HAP1: variants seen among roughly 807,000 people sequenced by gnomAD.
HAP1 encodes the protein huntingtin-associated protein 1.
HAP1 carries 59 observed loss-of-function variants against 60.3 expected under a neutral mutation model. The observed-to-expected ratio is 0.98, with a 90% confidence interval of 0.79 to 1.22. The LOEUF is 1.22. Among genes scored for constraint, HAP1 ranks in the 50% most tolerant of loss-of-function variants. HAP1 has a pLI of 0.00. For missense variants in HAP1, 825 were observed against 785.3 expected, an observed-to-expected ratio of 1.05 and a Z score of -0.60; for synonymous variants, 346 against 330.6, an observed-to-expected ratio of 1.05 and a Z score of -0.50.
downstream of HAP1, chr17:41,717,934 T>C: frequency 4.3e-6 from 2 of 460,524 alleles, no homozygotes; most frequent in South Asian, 1.6e-5. Context: ...TTCTTGTGCC[T>C]GTTGACACCA....
intron 1 of HAP1, among the ~76,000 whole-genome samples, chr17:41,733,635 C>A (rs1441790609): frequency 6.6e-6 from 1 of 151,988 alleles, no homozygotes; most frequent in Non-Finnish European, 1.5e-5. Context: ...GACACTCGAG[C>A]CTCTAGGCCC....
At chr17:41,727,945 T>A (rs1911811264) in intron 7 of HAP1, 109 bp from the exon 8 acceptor site, 5 of 753,116 alleles carry the variant, frequency 6.6e-6, no homozygotes, top group Non-Finnish European at 1.1e-5. Flanking sequence ...TGGCAGCCCA[T>A]GAAATGACAA....
At chr17:41,732,176 T>C (rs1210503542) in intron 3 of HAP1, 54 bp downstream of exon 3, 1 of 1,610,510 alleles carries the variant, frequency 6.2e-7, no homozygotes, top group African/African-American at 1.3e-5. Flanking sequence ...GAGAGGGTCC[T>C]GGCATGAGGC....
In HAP1 at chr17:41,732,785, GT is replaced by G; in HGVS notation, c.482del (p.Asn161ThrfsTer16). Reference sequence around the variant, plus strand: ...TGATCTTTTTGACTGGCGGAGGTAGGTTAGGACACAGTGCTGCAGGAGGCGG... The same window carrying G: ...TGATCTTTTTGACTGGCGGAGGTAGGTAGGACACAGTGCTGCAGGAGGCGG... The part of the protein sequence containing the change: ...IRELEEALCP[N>X]LPPPVKKITQ... On this transcript the variant is annotated frameshift_variant, in exon 2 of 11. Coordinates refer to ENST00000347901, the MANE Select transcript of HAP1 (RefSeq NM_177977.3). LOFTEE classifies it high-confidence loss of function. 1 of 1,610,456 alleles carries G rather than the reference GT, an allele frequency of 6.2e-7. No individual in the cohort carries two copies. The highest frequency in any genetic ancestry group is 8.5e-7 in the Non-Finnish European group (1 of 1,176,698).
At chr17:41,720,618 CA>C, downstream of HAP1, among the ~76,000 whole-genome samples, 1 of 151,954 alleles carries the variant, frequency 6.6e-6, no homozygotes, top group Non-Finnish European at 1.5e-5. Context: ...GCCTTCAGCT[CA>C]AAATAGTCCT....
intron 7 of HAP1, 82 bp from the exon 8 acceptor site, chr17:41,727,918 G>T: frequency 1.2e-6 from 1 of 861,010 alleles, no homozygotes; most frequent in Non-Finnish European, 1.9e-6. Flanking sequence ...GTCTTCCCAG[G>T]CACATCAGTG....
chr17:41,726,024 C>T (rs1255890095), intron 9 of HAP1, 127 bp from the exon 10 acceptor site: 2 of 723,108 alleles, frequency 2.8e-6, no homozygotes, highest in African/African-American at 1.8e-5. Context: ...AATCCCAGCA[C>T]TTTGGGAGGC....
At position 41,723,757 on chromosome 17, in the gene HAP1, G is replaced by C. The variant is rs118005412; in HGVS notation, c.*944C>G. ...TGCTGAAGCCAGTGCTATTCCACCC[G>C]GCAGTGACCAAAGGGCCATGAGAAT... On this transcript the variant is annotated 3_prime_UTR_variant, in exon 11 of 11. Coordinates refer to ENST00000347901, the MANE Select transcript of HAP1 (RefSeq NM_177977.3). 6.6e-6 allele frequency: 1 copy of C among 152,450 alleles called. No homozygotes were observed. The highest frequency in any genetic ancestry group is 2.4e-5 in the African/African-American group (1 of 41,456). 9.4% of individuals were successfully genotyped at this position (152,450 alleles called of 1,614,324 possible).
chr17:41,727,314 G>C (rs1555589147), intron 8 of HAP1, 170 bp from the exon 9 acceptor site: 2 of 780,910 alleles, frequency 2.6e-6, no homozygotes, highest in Admixed American at 3.4e-5. Flanking sequence ...CACGCTGTAT[G>C]GGTAATGGGT....
At chr17:41,729,130 G>A (rs548669206) in intron 6 of HAP1, among the ~76,000 whole-genome samples, 76 of 151,180 alleles carry the variant, frequency 5.0e-4, no homozygotes, top group East Asian at 1.4e-3. Flanking sequence ...TAGTAGAGAC[G>A]GGGTTTCACC....
In HAP1 at chr17:41,727,678, T is replaced by G. The variant is rs1911774739; in HGVS notation, c.1275+84A>C. The G allele has an allele frequency of 4.3e-5, 36 of 829,446 alleles. No homozygotes were observed. The South Asian group carries it at 5.2e-4, about 12-fold the overall frequency. The allele number at this position is 829,446 out of a possible 1,614,324, so 51.4% of individuals were successfully genotyped here. On this transcript the variant is annotated intron_variant, in intron 8 of 10. Transcript: ENST00000347901. ...CAGTTCCTGCTAGTCCTCTCCAGAG[T>G]CAGGTAGCTGCCAAGGGCCTGGGGT...
In HAP1 at chr17:41,727,814, A is replaced by C. The variant is rs782465342; in HGVS notation, c.1223T>G (p.Leu408Trp). The change falls in exon 8 of 11, where the codon TTG (leucine) becomes TGG (tryptophan). Residue 408 changes from leucine (L) to tryptophan (W), a missense_variant. By Grantham distance (61) the Leu-to-Trp change is moderately conservative. Transcript: ENST00000347901. ...CRMYGAETEKLQKQLASEKEI... is the reference protein window; with the variant it reads ...CRMYGAETEKWQKQLASEKEI... ...CTTCTCCGAAGCCAGCTGCTTCTGC[A>C]ACTTTTCAGTCTCAGCCCCATACTG... The C allele has an allele frequency of 1.1e-5, 17 of 1,609,270 alleles. No homozygotes were observed. The highest frequency in any genetic ancestry group is 1.4e-5 in the Non-Finnish European group (17 of 1,176,232).
In HAP1 at chr17:41,732,748, C is replaced by T. The variant is rs782607030; in HGVS notation, c.520G>A (p.Val174Ile). The T allele has an allele frequency of 6.2e-6, 10 of 1,613,096 alleles. No homozygotes were observed. Among genetic ancestry groups the T allele is most frequent in the South Asian group, 3.3e-5 (3 of 91,076 alleles). Residue 174 changes from valine (V) to isoleucine (I), a missense_variant, in exon 2 of 11, where the codon GTC becomes ATC. Coordinates refer to ENST00000347901, the MANE Select transcript of HAP1 (RefSeq NM_177977.3). ...TCCAGCAAATATAACATCACTTTGA[C>T]GTCTTCCTGGGTGATCTTTTTGACT... ...PPVKKITQED[V>I]KVMLYLLEEL... is the part of the protein sequence containing the mutation.
rs987533046 is a variant in HAP1 at position 41,723,297 on chromosome 17, T to G, written c.*1404A>C. On this transcript the variant is annotated 3_prime_UTR_variant, in exon 11 of 11. Coordinates refer to ENST00000347901, the MANE Select transcript of HAP1 (RefSeq NM_177977.3). ...TTCCTACCGCCTGTCCCTGAAGACG[T>G]TGGAAAAGCCTCCAACATGTGGGAA... is the stretch of plus-strand genomic sequence containing the variant. 1 of 151,648 alleles carries G rather than the reference T, an allele frequency of 6.6e-6. No homozygotes were observed. The highest frequency in any genetic ancestry group is 1.5e-5 in the Non-Finnish European group (1 of 67,780). The allele number at this position is 151,648 out of a possible 1,614,324, so 9.4% of individuals were successfully genotyped here. A position where few individuals can be genotyped will look rare whatever the true frequency, so the allele number is the denominator to read the frequency against.
In HAP1 at chr17:41,731,641, T is replaced by TTCTCTCAGC; in HGVS notation, c.990_998dup (p.Leu331_Glu333dup). ...CGCCCTCCTCCCCCATTCTCACCTC[T>TTCTCTCAGC]TCTCTCAGCTGATGATTCTCCTCCT... On this transcript the variant is annotated inframe_insertion, in exon 5 of 11. Transcript: ENST00000347901. The TTCTCTCAGC allele has an allele frequency of 6.2e-7, 1 of 1,613,152 alleles. No individual in the cohort carries two copies. The highest frequency in any genetic ancestry group is 8.5e-7 in the Non-Finnish European group (1 of 1,179,104).
intron 9 of HAP1, 137 bp from the exon 10 acceptor site, chr17:41,726,034 C>T (rs1911600780): frequency 1.9e-5 from 13 of 682,696 alleles, no homozygotes; most frequent in South Asian, 1.8e-4. Context: ...CTTTGGGAGG[C>T]CGAGGTGGGC....
Position 41,724,726 on chromosome 17 carries a change from G to A in HAP1, c.1835C>T (p.Thr612Ile). The A allele has an allele frequency of 1.3e-6, 2 of 1,594,876 alleles. No homozygotes were observed. The highest frequency in any genetic ancestry group is 1.7e-6 in the Non-Finnish European group (2 of 1,165,486). ...PHGALPAASRTSCRSSCR is the reference protein window; with the variant it reads ...PHGALPAASRISCRSSCR ...TCATCGGCACGACGATCTGCAGCTTGTCCGGCTGGCGGCAGGGAGGGCCCC... is the reference window on the plus strand; with the variant it reads ...TCATCGGCACGACGATCTGCAGCTTATCCGGCTGGCGGCAGGGAGGGCCCC... Residue 612 changes from threonine to isoleucine, a missense_variant, in exon 11 of 11, where the codon ACA becomes ATA. Transcript: ENST00000347901.
rs1912025171 is a variant in HAP1 at position 41,730,031 on chromosome 17, A to AGAG, written c.1069+1461_1069+1462insCTC. 9.3e-5 allele frequency: 2 copies of AGAG among 21,436 alleles called. 1 individual carries two copies. Among genetic ancestry groups the AGAG allele is most frequent in the African/African-American group, 5.2e-4 (2 of 3,872 alleles). 1.3% of individuals were successfully genotyped at this position (21,436 alleles called of 1,614,324 possible). ...TCCATCTCAAAAAAAAAAAGAAAGA[A>AGAG]AGAGAGAGAGAGAGAGAGAGAGAAG... On this transcript the variant is annotated intron_variant, in intron 6 of 10. Coordinates refer to ENST00000347901, the MANE Select transcript of HAP1 (RefSeq NM_177977.3).
At position 41,732,311 on chromosome 17, in the gene HAP1, G is replaced by A. The variant is rs1281598130; in HGVS notation, c.633C>T (p.Gly211=). The A allele has an allele frequency of 6.2e-7, 1 of 1,614,066 alleles. No individual in the cohort carries two copies. Among genetic ancestry groups the A allele is most frequent in the Non-Finnish European group, 8.5e-7 (1 of 1,179,970 alleles). The change falls in exon 3 of 11, where the codon GGC becomes GGT. Residue 211 remains glycine (G), a synonymous_variant. Coordinates refer to ENST00000347901, the MANE Select transcript of HAP1 (RefSeq NM_177977.3). ...ERDLNTAARI[G]QSLVKQNSVL... ...CACTGTTCTGTTTCACCAGGGACTGGCCGATGCGAGCTGCAGTGTTCAGGT... is the reference window on the plus strand; with the variant it reads ...CACTGTTCTGTTTCACCAGGGACTGACCGATGCGAGCTGCAGTGTTCAGGT...
Sources: allele counts gnomAD v4.1 joint callset (sites outside exome capture counted in the v4.1 genomes callset), GRCh38; gene constraint gnomAD v4.1.1; transcripts MANE v1.5; gene names NCBI Gene and HGNC (gene_info 2026-07-23, HGNC 2026-07-21).